TTC3: variants seen among roughly 807,000 people sequenced by gnomAD.
TTC3 encodes the protein tetratricopeptide repeat domain 3.
TTC3 carries 180 observed loss-of-function variants against 249.6 expected under a neutral mutation model. The ratio of observed to expected loss-of-function variants is 0.72; its 90% confidence interval spans 0.64 to 0.82. The LOEUF is 0.82. TTC3 is among the 40% of genes least tolerant of loss of function. TTC3 has a pLI of 0.00. For synonymous variants in TTC3, 717 were observed against 805.0 expected (o/e 0.89, Z 1.85); for missense variants, 2,061 against 2,398.4 (o/e 0.86, Z 2.94).
In TTC3 at chr21:37,152,035, C is replaced by T; in HGVS notation, c.2413+6C>T. On this transcript the variant is annotated splice_donor_region_variant and intron_variant, in intron 26 of 45. Transcript: ENST00000355666. ...CAAAAATGAAGAGCAGAAAGGTATG[C>T]AGAAGCCAAAGGCATGATAAGAATA... The T allele has an allele frequency of 6.4e-7, 1 of 1,569,096 alleles. No individual in the cohort carries two copies. Among genetic ancestry groups the T allele is most frequent in the Non-Finnish European group, 8.6e-7 (1 of 1,165,658 alleles).
chr21:37,084,782 C>G (rs1293817681), intron 1 of TTC3, among the ~76,000 whole-genome samples: 1 of 152,190 alleles, frequency 6.6e-6, no homozygotes, highest in Admixed American at 6.5e-5. Context: ...ATCACAAGGT[C>G]AGGAGTTCAA....
At chr21:37,076,688 A>G (rs1457056610) in intron 1 of TTC3, among the ~76,000 whole-genome samples, 2 of 130,844 alleles carry the variant, frequency 1.5e-5, no homozygotes, top group East Asian at 4.3e-4. Context: ...TGGGGAAAAC[A>G]AAGGGATTTT....
chr21:37,156,221 A>G (rs2080066858), intron 27 of TTC3, among the ~76,000 whole-genome samples: 2 of 142,518 alleles, frequency 1.4e-5, no homozygotes, highest in South Asian at 4.6e-4. Flanking sequence ...TTTTTTTGTA[A>G]AGATAGGGGT....
chr21:37,084,116 C>G (rs1422106648), intron 1 of TTC3: 1 of 152,086 alleles, frequency 6.6e-6, no homozygotes, highest in Non-Finnish European at 1.5e-5. Flanking sequence ...TCAGAAAGTG[C>G]TGTGTTAAGT....
intron 1 of TTC3, among the ~76,000 whole-genome samples, chr21:37,085,281 C>G (rs1248766587): frequency 1.3e-5 from 2 of 152,142 alleles, no homozygotes; most frequent in African/African-American, 4.8e-5. Flanking sequence ...GCTCCAGTAT[C>G]TTATGTTTTC....
chr21:37,132,431 G>A (rs2077551564), intron 16 of TTC3, among the ~76,000 whole-genome samples: 1 of 151,328 alleles, frequency 6.6e-6, no homozygotes, highest in African/African-American at 2.4e-5. Flanking sequence ...TCCTGCCTCA[G>A]CCTCCCAGGT....
intron 31 of TTC3, among the ~76,000 whole-genome samples, chr21:37,162,886 C>A (rs1316096208): frequency 6.6e-6 from 1 of 152,056 alleles, no homozygotes; most frequent in African/African-American, 2.4e-5. Context: ...ATAGATGGTG[C>A]CTTTTTGCTG....
At chr21:37,091,236 C>T in intron 6 of TTC3, 57 bp from the exon 7 acceptor site, 2 of 1,550,524 alleles carry the variant, frequency 1.3e-6, no homozygotes, top group Non-Finnish European at 1.8e-6. Flanking sequence ...TATAATGCCA[C>T]ATGCAAATTT....
intron 11 of TTC3, among the ~76,000 whole-genome samples, chr21:37,117,458 G>C (rs1459479287): frequency 1.3e-5 from 2 of 152,108 alleles, no homozygotes; most frequent in African/African-American, 4.8e-5. Flanking sequence ...CCTGGTGTTT[G>C]ACAGGTGCTA....
At chr21:37,168,202 A>G (rs551204404) in intron 34 of TTC3, among the ~76,000 whole-genome samples, 3 of 152,312 alleles carry the variant, frequency 2.0e-5, no homozygotes, top group East Asian at 3.9e-4. Context: ...ATATTTCTCA[A>G]CATGCTAATA....
In TTC3 at chr21:37,073,487, T is replaced by A; in HGVS notation, c.-12+123T>A. The A allele has an allele frequency of 1.0e-6, 1 of 985,920 alleles. No individual in the cohort carries two copies. The highest frequency in any genetic ancestry group is 6.1e-5 in the Admixed American group (1 of 16,268). The allele number at this position is 985,920 out of a possible 1,614,324, so 61.1% of individuals were successfully genotyped here. On this transcript the variant is annotated intron_variant, in intron 1 of 45. Transcript: ENST00000355666. ...CGTGGGTGTGTGGTGAGTGTGGGTG[T>A]GTGCGCGTCTCCTCGCGTCCCTCGC...
intron 9 of TTC3, among the ~76,000 whole-genome samples, chr21:37,096,190 A>G (rs1484941189): frequency 6.6e-6 from 1 of 152,212 alleles, no homozygotes; most frequent in Admixed American, 6.5e-5. Flanking sequence ...TTAATTTGCA[A>G]TTACTGTAGG....
At chr21:37,173,065 C>T (rs1277067680) in intron 35 of TTC3, among the ~76,000 whole-genome samples, 3 of 152,052 alleles carry the variant, frequency 2.0e-5, no homozygotes, top group Non-Finnish European at 2.9e-5. Flanking sequence ...TATTGAGAGG[C>T]AGCATAGGAA....
intron 17 of TTC3, among the ~76,000 whole-genome samples, chr21:37,134,259 G>A (rs749719230): frequency 2.1e-4 from 32 of 152,102 alleles, no homozygotes; most frequent in Non-Finnish European, 3.1e-4. Context: ...AAACCATCCT[G>A]GCCATCATGG....
In TTC3 at chr21:37,144,659, T is replaced by C. The variant is rs2078823347; in HGVS notation, c.1893+14T>C. Reference sequence around the variant, plus strand: ...CAAAAAATAAAGGTAACCATTTATTTTTGCAGAGTGTTTCTTACTGTGAAT... The same window carrying C: ...CAAAAAATAAAGGTAACCATTTATTCTTGCAGAGTGTTTCTTACTGTGAAT... On this transcript the variant is annotated intron_variant, in intron 21 of 45. Coordinates refer to ENST00000355666, the Ensembl canonical transcript of TTC3. 6.2e-7 allele frequency: 1 copy of C among 1,603,286 alleles called. No individual in the cohort carries two copies. The highest frequency in any genetic ancestry group is 2.3e-5 in the East Asian group (1 of 44,350).
chr21:37,099,370 T>C (rs1250273206), intron 10 of TTC3, among the ~76,000 whole-genome samples: 3 of 152,152 alleles, frequency 2.0e-5, no homozygotes, highest in Admixed American at 1.3e-4. Flanking sequence ...GAAACAGGTA[T>C]AGGGAGGCCA....
At chr21:37,197,387 C>CA (rs34686832) in intron 42 of TTC3, among the ~76,000 whole-genome samples, 183 bp from the exon 43 acceptor site, 4,437 of 124,130 alleles carry the variant, frequency 0.036, 85 homozygotes, top group Middle Eastern at 0.063. Flanking sequence ...GACACTGTCT[C>CA]AAAAAAAAAA....
intron 10 of TTC3, among the ~76,000 whole-genome samples, chr21:37,099,639 A>C (rs1318003740): frequency 6.6e-6 from 1 of 152,250 alleles, no homozygotes; most frequent in East Asian, 1.9e-4. Context: ...CAAAAGCTTA[A>C]AAATCTCATA....
chr21:37,141,412 T>C (rs1569032483), intron 20 of TTC3, among the ~76,000 whole-genome samples: 7 of 150,642 alleles, frequency 4.6e-5, no homozygotes, highest in Non-Finnish European at 8.9e-5. Context: ...TTTTGGGGAA[T>C]CCCCCCCCCA....
Sources: allele counts gnomAD v4.1 joint callset (sites outside exome capture counted in the v4.1 genomes callset), GRCh38; gene constraint gnomAD v4.1.1; transcripts MANE v1.5; gene names NCBI Gene and HGNC (gene_info 2026-07-23, HGNC 2026-07-21).